The following DNAH12 variants were observed in gnomAD, a reference collection of about 807,000 sequenced individuals.
The protein encoded by DNAH12 is dynein axonemal heavy chain 12, also known as axonemal beta dynein heavy chain 12.
A neutral mutation model predicts 371.5 loss-of-function variants in DNAH12; 285 were observed. The observed-to-expected ratio is 0.77, with a 90% CI of 0.70 to 0.85. The LOEUF is 0.85. DNAH12 is among the 40% of genes least tolerant of loss of function. The pLI is 0.00. For synonymous variants in DNAH12, 1,200 were observed against 1,213.0 expected, an observed-to-expected ratio of 0.99 and a Z score of 0.22; for missense variants, 3,611 against 3,689.4, an observed-to-expected ratio of 0.98 and a Z score of 0.55.
chr3:57,446,031 C>G lies in DNAH12; in HGVS notation c.4179G>C (p.Lys1393Asn). 2 of 1,541,634 alleles carry G rather than the reference C, an allele frequency of 1.3e-6. No homozygotes were observed. The highest frequency in any genetic ancestry group is 3.4e-4 in the Middle Eastern group (2 of 5,958). ...AGRSELPDNL[K>N]VLFRTVAMMV... ...TAAATAAATAAATAAATAATATTAC[C>G]TTAAGATTGTCCGGCAATTCAGAGC... The change falls in exon 27 of 74, where the codon AAG becomes AAC. Residue 1393 changes from lysine (K) to asparagine (N), a missense_variant and splice_region_variant. Physicochemically the swap from Lys to Asn is moderately conservative, Grantham distance 94. This residue lies in a region of DNAH12 where 2,266 missense variants were observed against 2,236.9 expected (regional missense o/e 1.01). Transcript: ENST00000495027.
rs114100463 is a variant in DNAH12, at chr3:57,311,005, C to A, written c.10663-55G>T. 3.3e-3 allele frequency: 4,111 copies of A among 1,232,970 alleles called. 95 individuals are homozygous for A. In the African/African-American group the frequency reaches 0.056, roughly 17 times the overall value. 76.4% of individuals were successfully genotyped at this position (1,232,970 alleles called of 1,614,324 possible). On this transcript the variant is annotated intron_variant, in intron 66 of 73. Coordinates refer to ENST00000495027, the MANE Select transcript of DNAH12 (RefSeq NM_001366028.2). ...AACCTTAAAGTATTTCACTTCATTTCCATTTTAAGTATGTATCTATCTATC... is the reference window on the plus strand; with the variant it reads ...AACCTTAAAGTATTTCACTTCATTTACATTTTAAGTATGTATCTATCTATC...
chr3:57,299,067 C>G (rs1313952994), intron 70 of DNAH12, among the ~76,000 whole-genome samples: 1 of 152,128 alleles, frequency 6.6e-6, no homozygotes, highest in African/African-American at 2.4e-5. Context: ...GGAGATGCTG[C>G]AACAGTACAA....
At chr3:57,390,674 T>G (rs1407636735) in intron 45 of DNAH12, among the ~76,000 whole-genome samples, 3 of 151,582 alleles carry the variant, frequency 2.0e-5, no homozygotes, top group African/African-American at 7.3e-5. Flanking sequence ...CTCAAGAGTA[T>G]GAATACCAAA....
intron 45 of DNAH12, among the ~76,000 whole-genome samples, chr3:57,387,602 T>C (rs2063522767): frequency 6.6e-6 from 1 of 152,162 alleles, no homozygotes; most frequent in African/African-American, 2.4e-5. Context: ...GGACTCCAAT[T>C]TTATTCTAGA....
At chr3:57,469,080 A>G (rs2066289366) in intron 16 of DNAH12, 101 bp from the exon 17 acceptor site, 1 of 1,160,456 alleles carries the variant, frequency 8.6e-7, no homozygotes. Context: ...AGAGAGAAAA[A>G]TGAGGGCAAG....
chr3:57,408,124 C>T (rs1459178608), intron 40 of DNAH12, among the ~76,000 whole-genome samples, 156 bp downstream of exon 40: 1 of 152,122 alleles, frequency 6.6e-6, no homozygotes, highest in African/African-American at 2.4e-5. Flanking sequence ...AAGTTGGATT[C>T]CCTCATTTCA....
At chr3:57,326,620 G>A (rs1339590063) in intron 62 of DNAH12, among the ~76,000 whole-genome samples, 1 of 152,172 alleles carries the variant, frequency 6.6e-6, no homozygotes, top group Non-Finnish European at 1.5e-5. Flanking sequence ...AAAATGTAAA[G>A]ACCATGGAGA....
Position 57,446,696 on chromosome 3 carries a change from T to C in DNAH12, c.3787-7A>G. On this transcript the variant is annotated splice_polypyrimidine_tract_variant and splice_region_variant and intron_variant, in intron 25 of 73. Transcript: ENST00000495027. ...TTAAATAGAAAGCACCTATCTGAAA[T>C]GAAAAACACATGTGAAAAGAAATCC... 4 of 1,479,122 alleles carry C rather than the reference T, an allele frequency of 2.7e-6. No individual in the cohort carries two copies. Among genetic ancestry groups the C allele is most frequent in the South Asian group, 1.4e-5 (1 of 73,944 alleles). The allele number at this position is 1,479,122 out of a possible 1,614,324, so 91.6% of individuals were successfully genotyped here.
intron 60 of DNAH12, 64 bp from the exon 61 acceptor site, chr3:57,335,004 C>T (rs2062189733): frequency 6.7e-7 from 1 of 1,484,108 alleles, no homozygotes. Context: ...ATGTCAACTT[C>T]CGCTTTTGTA....
chr3:57,555,990 A>C, the DNAH12 span, among the ~76,000 whole-genome samples: 1 of 152,210 alleles, frequency 6.6e-6, no homozygotes, highest in Non-Finnish European at 1.5e-5. Context: ...CCAAGATTCC[A>C]AGACAGGTGT....
At chr3:57,333,911 A>T (rs2062164267) in intron 62 of DNAH12, among the ~76,000 whole-genome samples, 2 of 152,244 alleles carry the variant, frequency 1.3e-5, no homozygotes, top group African/African-American at 4.8e-5. Context: ...AAATGATGGA[A>T]TTAGTAGTCA....
At chr3:57,376,338 G>C (rs1000165466) in intron 53 of DNAH12, among the ~76,000 whole-genome samples, 3 of 152,026 alleles carry the variant, frequency 2.0e-5, no homozygotes, top group African/African-American at 7.2e-5. Flanking sequence ...TAAAACATAC[G>C]AACATTTGCA....
At chr3:57,480,639 TC>T (rs1162363143) in intron 13 of DNAH12, among the ~76,000 whole-genome samples, 3 of 151,960 alleles carry the variant, frequency 2.0e-5, no homozygotes, top group Non-Finnish European at 4.4e-5. Context: ...TAGACCAATA[TC>T]CCTGATGAAC....
Position 57,323,520 on chromosome 3 carries a change from A to C in DNAH12, c.10078T>G (p.Cys3360Gly). The C allele has an allele frequency of 6.4e-7, 1 of 1,551,178 alleles. No homozygotes were observed. The highest frequency in any genetic ancestry group is 8.7e-7 in the Non-Finnish European group (1 of 1,146,864). ...DLTKSYLDSN[C>G]TIPLIFVLSP... Reference sequence around the variant, plus strand: ...AGAACAAAAATTAAGGGAATGGTGCAATTTGAATCCAAGTAACTCTTTGTC... The same window carrying C: ...AGAACAAAAATTAAGGGAATGGTGCCATTTGAATCCAAGTAACTCTTTGTC... Residue 3360 changes from cysteine (C) to glycine (G), a missense_variant, in exon 63 of 74, where the codon TGC becomes GGC. Physicochemically the swap from Cys to Gly is radical, Grantham distance 159 (BLOSUM62 -3). Around this residue, in one of 3 missense-constraint regions of DNAH12, gnomAD observed 2,266 missense variants for 2,236.9 expected, o/e 1.01. Coordinates refer to ENST00000495027, the MANE Select transcript of DNAH12 (RefSeq NM_001366028.2).
chr3:57,481,687 T>A (rs1436610179), intron 13 of DNAH12, among the ~76,000 whole-genome samples: 4 of 152,152 alleles, frequency 2.6e-5, no homozygotes, highest in Non-Finnish European at 4.4e-5. Flanking sequence ...AAGGCTACAG[T>A]AACCAAAACA....
At chr3:57,541,542 T>C (rs1575758686) in intron 2 of DNAH12, among the ~76,000 whole-genome samples, 1 of 152,022 alleles carries the variant, frequency 6.6e-6, no homozygotes, top group East Asian at 1.9e-4. Flanking sequence ...ATTTTTTTTT[T>C]TTTATAGCGA....
intron 18 of DNAH12, 56 bp from the exon 19 acceptor site, chr3:57,461,745 A>G: frequency 7.2e-7 from 1 of 1,392,896 alleles, no homozygotes; most frequent in Non-Finnish European, 9.8e-7. Context: ...CTTATTTACT[A>G]TATTGACTTT....
At chr3:57,463,810 C>T (rs1193009379) in intron 17 of DNAH12, among the ~76,000 whole-genome samples, 3 of 152,056 alleles carry the variant, frequency 2.0e-5, no homozygotes, top group African/African-American at 7.2e-5. Flanking sequence ...CTCCGTCCCC[C>T]AGGCTGGAGT....
At chr3:57,310,592 GATT>G (rs777489996) in intron 67 of DNAH12, 122 bp downstream of exon 67, 2 of 711,644 alleles carry the variant, frequency 2.8e-6, no homozygotes, top group Non-Finnish European at 4.6e-6. Context: ...ACTAGAAAAA[GATT>G]ATTAAAAGTT....
Sources: allele counts gnomAD v4.1 joint callset (sites outside exome capture counted in the v4.1 genomes callset), GRCh38; gene constraint gnomAD v4.1.1; regional missense constraint gnomAD v4.1.1; transcripts MANE v1.5; gene names NCBI Gene and HGNC (gene_info 2026-07-23, HGNC 2026-07-21).